GFRA1: variants seen among roughly 807,000 people sequenced by gnomAD.
GFRA1 encodes GDNF family receptor alpha-1.
In GFRA1, 16 loss-of-function variants were observed where a neutral mutation model predicts 51.6. That is an observed-to-expected ratio of 0.31 (90% CI 0.21 to 0.47). The LOEUF (loss-of-function observed/expected upper bound fraction) is 0.47. Among genes scored for constraint, GFRA1 ranks in the 20% least tolerant of loss-of-function variants. The pLI, the probability that GFRA1 is intolerant of heterozygous loss-of-function variation, is 1.00. For synonymous variants in GFRA1, 270 were observed against 241.3 expected, an observed-to-expected ratio of 1.12 and a Z score of -1.10; for missense variants, 530 against 594.3, an observed-to-expected ratio of 0.89 and a Z score of 1.13.
intron 5 of GFRA1, 97 bp from the exon 6 acceptor site, chr10:116,125,654 G>T: frequency 1.1e-6 from 1 of 947,454 alleles, no homozygotes; most frequent in Non-Finnish European, 1.6e-6. Flanking sequence ...ATCTGGCATT[G>T]CCAGCGGCTC....
chr10:116,197,932 G>T (rs1251847655), intron 5 of GFRA1, among the ~76,000 whole-genome samples: 1 of 152,202 alleles, frequency 6.6e-6, no homozygotes, highest in Non-Finnish European at 1.5e-5. Context: ...GCAAGTGAGG[G>T]AGTCACACTG....
At chr10:116,215,783 A>G (rs530486593) in intron 4 of GFRA1, among the ~76,000 whole-genome samples, 106 of 152,280 alleles carry the variant, frequency 7.0e-4, no homozygotes, top group Non-Finnish European at 1.5e-5. Flanking sequence ...ACTCCTTCAG[A>G]CAACGCTCTG....
rs779050414 is a variant in GFRA1 at position 116,089,773 on chromosome 10, T to C, written c.1165A>G (p.Thr389Ala). The C allele has an allele frequency of 1.2e-6, 2 of 1,614,076 alleles. No homozygotes were observed. Among genetic ancestry groups the C allele is most frequent in the South Asian group, 2.2e-5 (2 of 91,080 alleles). ...GPAGSENEIPTHVLPPCANLQ... is the reference protein window; with the variant it reads ...GPAGSENEIPAHVLPPCANLQ... ...TTTGCACACGGTGGCAAAACATGAG[T>C]GGGAATTTCATTCTCAGACCCTGCT... Residue 389 changes from threonine (T) to alanine (A), a missense_variant, in exon 9 of 11, where the codon ACT (threonine) becomes GCT (alanine). Physicochemically the swap from Thr to Ala is moderately conservative, Grantham distance 58. Coordinates refer to ENST00000355422, the MANE Select transcript of GFRA1 (RefSeq NM_005264.8).
chr10:116,202,965 G>A (rs1589869023), intron 5 of GFRA1, among the ~76,000 whole-genome samples: 1 of 152,126 alleles, frequency 6.6e-6, no homozygotes, highest in Admixed American at 6.5e-5. Context: ...AAAGGCATAG[G>A]GGCAGCCGTG....
chr10:116,109,214 T>C (rs1957106778), intron 6 of GFRA1, among the ~76,000 whole-genome samples: 1 of 151,982 alleles, frequency 6.6e-6, no homozygotes, highest in Admixed American at 6.5e-5. Flanking sequence ...CAGAGCCAGG[T>C]TTTGGAAAGA....
intron 5 of GFRA1, among the ~76,000 whole-genome samples, chr10:116,182,086 T>G (rs1191231678): frequency 2.1e-5 from 3 of 145,510 alleles, no homozygotes; most frequent in Admixed American, 7.1e-5. Context: ...ATTTAACATA[T>G]GTAACTGGGG....
At chr10:116,154,575 T>C (rs1440934939) in intron 5 of GFRA1, among the ~76,000 whole-genome samples, 2 of 152,114 alleles carry the variant, frequency 1.3e-5, no homozygotes, top group Non-Finnish European at 2.9e-5. Context: ...TAGAAGGAGT[T>C]AGGAGGGTGC....
intron 9 of GFRA1, among the ~76,000 whole-genome samples, chr10:116,069,375 AG>A (rs1955268467): frequency 6.6e-6 from 1 of 152,194 alleles, no homozygotes; most frequent in African/African-American, 2.4e-5. Flanking sequence ...ACTGAAATAT[AG>A]TACCTTGAGG....
In GFRA1 at chr10:116,065,642, A is replaced by G; in HGVS notation, c.1198-16T>C. 6.3e-7 allele frequency: 1 copy of G among 1,594,264 alleles called. No homozygotes were observed. The highest frequency in any genetic ancestry group is 8.6e-7 in the Non-Finnish European group (1 of 1,163,782). ...GCTTCTGTGCCTGGAGAGGGACAAG[A>G]AAAAAAATGCTCAAACATAATACAG... On this transcript the variant is annotated splice_polypyrimidine_tract_variant and intron_variant, in intron 9 of 10. Coordinates refer to ENST00000355422, the MANE Select transcript of GFRA1 (RefSeq NM_005264.8).
chr10:116,193,232 G>A lies in GFRA1; in HGVS notation c.433+18399C>T, dbSNP rs191260439. ...CATAACAGCCATTTCTGCAAACAGC[G>A]GGTTTGGAAAATACAAAGGACCCCT... On this transcript the variant is annotated intron_variant, in intron 5 of 10. Coordinates refer to ENST00000355422, the MANE Select transcript of GFRA1 (RefSeq NM_005264.8). Among the ~76,000 whole-genome samples the A allele has an allele frequency of 3.5e-3, 535 of 152,164 alleles. 1 individual carries two copies. Among genetic ancestry groups the A allele is most frequent in the Non-Finnish European group, 5.9e-3 (402 of 68,028 alleles).
At chr10:116,076,717 G>C (rs1955634047) in intron 9 of GFRA1, among the ~76,000 whole-genome samples, 1 of 152,112 alleles carries the variant, frequency 6.6e-6, no homozygotes, top group African/African-American at 2.4e-5. Flanking sequence ...GCCAGAGCTG[G>C]TTCGCTCAAT....
rs1960159546 is a variant in GFRA1, at chr10:116,164,402, A to G, written c.434-38845T>C. ...TTTTTCAGTAGTTACTATGTAACCA[A>G]TTAGTCTCTTTTGTGCTCTTGGTCT... On this transcript the variant is annotated intron_variant, in intron 5 of 10. Coordinates refer to ENST00000355422, the MANE Select transcript of GFRA1 (RefSeq NM_005264.8). 2.6e-5 allele frequency among the ~76,000 whole-genome samples: 4 copies of G among 152,050 alleles called. No individual in the cohort carries two copies. In the South Asian group the frequency reaches 8.3e-4, roughly 32 times the overall value.
rs565797503 is a variant in GFRA1 at position 116,221,455 on chromosome 10, C to T, written c.419-9810G>A. 2.6e-5 allele frequency among the ~76,000 whole-genome samples: 4 copies of T among 152,304 alleles called. No homozygotes were observed. In the East Asian group the frequency reaches 7.7e-4, roughly 29 times the overall value. On this transcript the variant is annotated intron_variant, in intron 4 of 10. Transcript: ENST00000355422. ...CTACCTTTTTTTAAAGACAGAGTCT[C>T]ACTCTGTTGCCTAGGCTGGAGTGCA...
chr10:116,077,092 G>A (rs1589767294), intron 9 of GFRA1, among the ~76,000 whole-genome samples: 2 of 152,310 alleles, frequency 1.3e-5, no homozygotes, highest in East Asian at 3.9e-4. Flanking sequence ...GGTTCAGGCA[G>A]TGTGATCAAG....
At chr10:116,134,206 C>T (rs900379622) in intron 5 of GFRA1, among the ~76,000 whole-genome samples, 3 of 152,330 alleles carry the variant, frequency 2.0e-5, no homozygotes, top group South Asian at 2.1e-4. Context: ...TTGCCAATTT[C>T]TGGGTATCTT....
chr10:116,103,727 G>A (rs1427145275), intron 6 of GFRA1, among the ~76,000 whole-genome samples: 1 of 152,164 alleles, frequency 6.6e-6, no homozygotes, highest in East Asian at 1.9e-4. Context: ...ACACTGGAAA[G>A]GTAATTGTCT....
rs1954585635 is a variant in GFRA1, at chr10:116,057,238, T to C, written c.*7160A>G. The C allele has an allele frequency of 6.6e-6, 1 of 152,182 alleles. No homozygotes were observed. The highest frequency in any genetic ancestry group is 6.5e-5 in the Admixed American group (1 of 15,272). 9.4% of individuals were successfully genotyped at this position (152,182 alleles called of 1,614,324 possible). A position where few individuals can be genotyped will look rare whatever the true frequency, so the allele number is the denominator to read the frequency against. On this transcript the variant is annotated 3_prime_UTR_variant, in exon 11 of 11. Transcript: ENST00000355422. ...GGACAAATGTGTCATCTTCTACCAG[T>C]GGGAAGCTCAGTAAACACACAATAT...
At chr10:116,214,597 T>C (rs1458312394) in intron 4 of GFRA1, among the ~76,000 whole-genome samples, 3 of 152,222 alleles carry the variant, frequency 2.0e-5, no homozygotes, top group Non-Finnish European at 4.4e-5. Context: ...ATCACTATTA[T>C]TAGCAAAGTA....
At chr10:116,270,579 G>C (rs557930500) in intron 3 of GFRA1, among the ~76,000 whole-genome samples, 1 of 152,298 alleles carries the variant, frequency 6.6e-6, no homozygotes, top group African/African-American at 2.4e-5. Flanking sequence ...AGAGGTCAGC[G>C]GGGTCCCGGG....
Sources: allele counts gnomAD v4.1 joint callset (sites outside exome capture counted in the v4.1 genomes callset), GRCh38; gene constraint gnomAD v4.1.1; transcripts MANE v1.5; gene names NCBI Gene and HGNC (gene_info 2026-07-23, HGNC 2026-07-21).